COQ2: variants seen among roughly 807,000 people sequenced by gnomAD.
COQ2 encodes coenzyme Q2, polyprenyltransferase, also known as 4-hydroxybenzoate polyprenyltransferase, mitochondrial.
Under a neutral mutation model 35.7 loss-of-function variants are expected in COQ2, and 25 were observed. The ratio of observed to expected loss-of-function variants is 0.70; its 90% CI spans 0.51 to 0.98. COQ2 has a LOEUF of 0.98. Ranked by LOEUF, COQ2 falls within the 50% of genes least tolerant of loss-of-function variation. The pLI is 0.00. For synonymous variants in COQ2, 206 were observed against 186.2 expected (o/e 1.11, Z -0.86); for missense variants, 488 against 473.5 (o/e 1.03, Z -0.28).
chr4:83,275,990 T>TTTTTATATATA (rs1560494605), intron 2 of COQ2, among the ~76,000 whole-genome samples: 6 of 137,786 alleles, frequency 4.4e-5, no homozygotes, highest in African/African-American at 1.9e-4. Context: ...TTCATATATA[T>TTTTTATATATA]TTTTATATAG....
rs143823178 is a variant in COQ2 at position 83,272,580 on chromosome 4, G to C, written c.543-408C>G. Among the ~76,000 whole-genome samples the C allele has an allele frequency of 5.1e-3, 784 of 152,244 alleles. 2 individuals are homozygous for C. The highest frequency in any genetic ancestry group is 0.018 in the African/African-American group (744 of 41,520). On this transcript the variant is annotated intron_variant, in intron 3 of 6. Transcript: ENST00000647002. The stretch of plus-strand genomic sequence containing the variant: ...TAGTTTGCTAATTGTCATATAGCTA[G>C]TCATAGAAGAGCCTAGATTCAAACC...
intron 1 of COQ2, among the ~76,000 whole-genome samples, 184 bp from the exon 2 acceptor site, chr4:83,279,298 A>C (rs1197369780): frequency 6.9e-6 from 1 of 145,422 alleles, no homozygotes; most frequent in East Asian, 1.9e-4. Flanking sequence ...AGTGCCTAGA[A>C]GAAAGAGATC....
chr4:83,268,189 T>C (rs1009020915), intron 5 of COQ2, among the ~76,000 whole-genome samples: 5 of 152,232 alleles, frequency 3.3e-5, no homozygotes, highest in East Asian at 1.9e-4. Flanking sequence ...TAATCTCCTA[T>C]ACATTTTAGT....
At chr4:83,267,155 T>G (rs903821620) in intron 6 of COQ2, 90 of 453,504 alleles carry the variant, frequency 2.0e-4, no homozygotes, top group Non-Finnish European at 3.6e-4. Flanking sequence ...GCAGGAAGAT[T>G]GCTTGAAGCC....
chr4:83,267,856 A>G, intron 5 of COQ2, 82 bp from the exon 6 acceptor site: 1 of 1,174,480 alleles, frequency 8.5e-7, no homozygotes. Flanking sequence ...TATCAGATTT[A>G]GTGTTTTTTT....
intron 2 of COQ2, 148 bp from the exon 3 acceptor site, chr4:83,273,765 A>C (rs1735102759): frequency 1.3e-6 from 1 of 789,634 alleles, no homozygotes; most frequent in South Asian, 1.7e-5. Flanking sequence ...TCAAAACTTC[A>C]CATTTAAAAT....
intron 4 of COQ2, among the ~76,000 whole-genome samples, chr4:83,271,206 C>T (rs963302348): frequency 5.3e-5 from 8 of 152,144 alleles, no homozygotes; most frequent in African/African-American, 9.7e-5. Flanking sequence ...ATACCTACAC[C>T]GCACCAAGTG....
In COQ2 at chr4:83,264,142, AAATCT is replaced by A; in HGVS notation, c.*52_*56del. Reference sequence around the variant, plus strand: ...ACATATTGTATCAGATTTTGTATTCAAATCTAATTATATTTTGTAAAAAATGTTTT... The same window carrying A: ...ACATATTGTATCAGATTTTGTATTCAAATTATATTTTGTAAAAAATGTTTT... On this transcript the variant is annotated 3_prime_UTR_variant, in exon 7 of 7. Transcript: ENST00000647002. 1.1e-6 allele frequency: 1 copy of A among 906,782 alleles called. No individual in the cohort carries two copies. Among genetic ancestry groups the A allele is most frequent in the Non-Finnish European group, 1.6e-6 (1 of 611,906 alleles). 56.2% of individuals were successfully genotyped at this position (906,782 alleles called of 1,614,324 possible). A position where few individuals can be genotyped will look rare whatever the true frequency, so the allele number is the denominator to read the frequency against.
chr4:83,267,828 A>T, intron 5 of COQ2, 54 bp from the exon 6 acceptor site: 2 of 1,410,348 alleles, frequency 1.4e-6, no homozygotes, highest in Admixed American at 4.9e-5. Flanking sequence ...CACACACCAT[A>T]AAATTCACAT....
intron 2 of COQ2, 41 bp downstream of exon 2, chr4:83,278,907 A>G: frequency 1.3e-6 from 2 of 1,517,556 alleles, no homozygotes; most frequent in Non-Finnish European, 1.8e-6. Flanking sequence ...ATTCTGCAGA[A>G]TTGAGAAGAG....
In COQ2 at chr4:83,284,449, C is replaced by T; in HGVS notation, c.253+63G>A. ...CCCGGCCGGCCGCCGCGGACAGCTC[C>T]GCGGAGCCGACTCGGAGGCTGCTAC... On this transcript the variant is annotated intron_variant, in intron 1 of 6. Coordinates refer to ENST00000647002, the MANE Select transcript of COQ2 (RefSeq NM_001358921.2). The T allele has an allele frequency of 2.0e-6, 3 of 1,503,484 alleles. No homozygotes were observed. The South Asian group carries it at 3.8e-5, about 19-fold the overall frequency. The allele number at this position is 1,503,484 out of a possible 1,614,324, so 93.1% of individuals were successfully genotyped here.
rs186346183 is a variant in COQ2 at position 83,264,616 on chromosome 4, G to A, written c.952-253C>T. On this transcript the variant is annotated intron_variant, in intron 6 of 6. Transcript: ENST00000647002. ...CACCCTACTGCACCCTCCTAGCCTG[G>A]GTGAGAGAGTGAGACTCTATCTCAA... Among the ~76,000 whole-genome samples the A allele has an allele frequency of 7.9e-5, 12 of 151,962 alleles. No individual in the cohort carries two copies. The East Asian group carries it at 1.7e-3, about 22-fold the overall frequency.
chr4:83,282,279 G>C (rs1464035770), intron 1 of COQ2, among the ~76,000 whole-genome samples: 1 of 152,144 alleles, frequency 6.6e-6, no homozygotes, highest in Non-Finnish European at 1.5e-5. Context: ...TTTGAAAGAA[G>C]CTGTATTGCC....
intron 6 of COQ2, chr4:83,266,592 G>A (rs1734925260): frequency 6.6e-6 from 1 of 152,342 alleles, no homozygotes; most frequent in Non-Finnish European, 1.5e-5. Flanking sequence ...CTGACCTCAG[G>A]TGATCCACCA....
At chr4:83,283,362 T>C (rs1735374127) in intron 1 of COQ2, 6 of 985,324 alleles carry the variant, frequency 6.1e-6, no homozygotes, top group Non-Finnish European at 6.0e-6. Context: ...TCTTCAGATA[T>C]GTTCTTGTCT....
chr4:83,283,484 T>C (rs1735377196), intron 1 of COQ2: 1 of 985,362 alleles, frequency 1.0e-6, no homozygotes, highest in Non-Finnish European at 1.2e-6. Context: ...CGCACTAAGA[T>C]CTCTTCCCTC....
At chr4:83,280,936 C>A (rs1215147555) in intron 1 of COQ2, among the ~76,000 whole-genome samples, 1 of 152,192 alleles carries the variant, frequency 6.6e-6, no homozygotes, top group Non-Finnish European at 1.5e-5. Context: ...TCTTCAATGA[C>A]ATCTTTATAT....
intron 1 of COQ2, among the ~76,000 whole-genome samples, chr4:83,280,665 AAGTT>A (rs1327013081): frequency 2.6e-5 from 4 of 152,238 alleles, no homozygotes; most frequent in African/African-American, 4.8e-5. Context: ...AAAACTATCT[AAGTT>A]AGTTAGCTAG....
At chr4:83,277,904 G>A (rs1465862683) in intron 2 of COQ2, among the ~76,000 whole-genome samples, 1 of 151,948 alleles carries the variant, frequency 6.6e-6, no homozygotes, top group African/African-American at 2.4e-5. Flanking sequence ...GGGAGGCGGA[G>A]GTTGCGGTGA....
Sources: allele counts gnomAD v4.1 joint callset (sites outside exome capture counted in the v4.1 genomes callset), GRCh38; gene constraint gnomAD v4.1.1; transcripts MANE v1.5; gene names NCBI Gene and HGNC (gene_info 2026-07-23, HGNC 2026-07-21).